GBP6: variants seen among roughly 807,000 people sequenced by gnomAD.
The protein encoded by GBP6 is guanylate binding protein family member 6, also known as guanylate-binding protein 6.
GBP6 carries 54 observed loss-of-function variants against 61.5 expected under a neutral mutation model. That is an observed-to-expected ratio of 0.88 (90% CI 0.71 to 1.10). The LOEUF (loss-of-function observed/expected upper bound fraction) is 1.10, where lower values mean the gene tolerates loss of function less well. GBP6 is among the 50% of genes least tolerant of loss of function. The pLI, the probability that GBP6 is intolerant of heterozygous loss-of-function variation, is 0.00. For missense variants in GBP6, 748 were observed against 752.8 expected (o/e 0.99, Z 0.07); for synonymous variants, 255 against 273.7 (o/e 0.93, Z 0.67).
chr1:89,385,963 T>G lies in GBP6; in HGVS notation c.*494T>G, dbSNP rs142072072. On this transcript the variant is annotated 3_prime_UTR_variant, in exon 11 of 11. Coordinates refer to ENST00000370456, the MANE Select transcript of GBP6 (RefSeq NM_198460.3). ...TTTTAGGAAATATAATTTTGAAAAA[T>G]CATTTACATACAAGAGGTCCACTGA... The G allele has an allele frequency of 3.7e-3, 559 of 152,772 alleles. 2 individuals are homozygous for G. Among genetic ancestry groups the G allele is most frequent in the Non-Finnish European group, 5.5e-3 (378 of 68,416 alleles). The allele number at this position is 152,772 out of a possible 1,614,324, so 9.5% of individuals were successfully genotyped here. A position where few individuals can be genotyped will look rare whatever the true frequency, so the allele number is the denominator to read the frequency against.
chr1:89,369,811 C>G lies in GBP6; in HGVS notation c.318+138C>G. On this transcript the variant is annotated intron_variant, in intron 3 of 10. Transcript: ENST00000370456. ...ACTTTGACCTGTTTGAATCACACTT[C>G]TAGACAAGGTTAGATATCATGGTAT... 5 of 997,526 alleles carry G rather than the reference C, an allele frequency of 5.0e-6. No individual in the cohort carries two copies. The South Asian group carries it at 9.6e-5, about 19-fold the overall frequency. The allele number at this position is 997,526 out of a possible 1,614,324, so 61.8% of individuals were successfully genotyped here.
intron 3 of GBP6, among the ~76,000 whole-genome samples, chr1:89,373,154 G>C (rs974316322): frequency 2.6e-5 from 4 of 152,200 alleles, no homozygotes; most frequent in Admixed American, 2.0e-4. Flanking sequence ...TCATTAAAAA[G>C]TCAGGAAGCA....
At chr1:89,374,523 G>A (rs1321593491) in intron 3 of GBP6, among the ~76,000 whole-genome samples, 2 of 151,996 alleles carry the variant, frequency 1.3e-5, no homozygotes, top group Non-Finnish European at 2.9e-5. Context: ...TTCCATAATA[G>A]CTGCATGAAT....
rs780941350 is a variant in GBP6, at chr1:89,386,452, T to G, written c.*983T>G. ...TGATAACAATAAAAAAATAGTGAAA[T>G]TGGCTATCAGATGATGAAATTCCTT... On this transcript the variant is annotated 3_prime_UTR_variant, in exon 11 of 11. Transcript: ENST00000370456. 1.1e-4 allele frequency: 17 copies of G among 152,246 alleles called. No individual in the cohort carries two copies. The highest frequency in any genetic ancestry group is 2.6e-4 in the Admixed American group (4 of 15,292). 9.4% of individuals were successfully genotyped at this position (152,246 alleles called of 1,614,324 possible).
Position 89,386,827 on chromosome 1 carries a change from C to T in GBP6, c.*1358C>T, listed in dbSNP as rs1007985033. ...ACAATGTGCCTTTCCAGAACTGAAC[C>T]CCCTGATGGGGGATGATAGACCCAG... is the stretch of plus-strand genomic sequence containing the variant. On this transcript the variant is annotated 3_prime_UTR_variant, in exon 11 of 11. Coordinates refer to ENST00000370456, the MANE Select transcript of GBP6 (RefSeq NM_198460.3). Among the ~76,000 whole-genome samples, 2 of 152,054 alleles carry T rather than the reference C, an allele frequency of 1.3e-5. No homozygotes were observed. Among genetic ancestry groups the T allele is most frequent in the African/African-American group, 4.8e-5 (2 of 41,396 alleles).
rs116439097 is a variant in GBP6, at chr1:89,375,881, T to C, written c.319-2222T>C. The stretch of plus-strand genomic sequence containing the variant: ...TATATTCTTCTGGTATTTTTACGGC[T>C]TCATATCTTTTTTTTCCCCTTCTAT... On this transcript the variant is annotated intron_variant, in intron 3 of 10. Transcript: ENST00000370456. Among the ~76,000 whole-genome samples the C allele has an allele frequency of 2.2e-3, 333 of 152,242 alleles. 2 individuals are homozygous for C. The highest frequency in any genetic ancestry group is 7.4e-3 in the African/African-American group (309 of 41,556).
Position 89,383,634 on chromosome 1 carries a change from T to C in GBP6, c.1366-18T>C, listed in dbSNP as rs370550745. On this transcript the variant is annotated intron_variant, in intron 8 of 10. Transcript: ENST00000370456. The stretch of plus-strand genomic sequence containing the variant: ...TAGATTTTCAAAGAAATCTAAGTGC[T>C]TTTTCTTCCTTCCATAGGCAAAAGA... 4.5e-5 allele frequency: 69 copies of C among 1,541,538 alleles called. No individual in the cohort carries two copies. The African/African-American group carries it at 9.0e-4, about 20-fold the overall frequency.
intron 3 of GBP6, among the ~76,000 whole-genome samples, chr1:89,373,649 A>C (rs995215887): frequency 7.9e-5 from 12 of 152,056 alleles, no homozygotes; most frequent in Non-Finnish European, 2.9e-5. Context: ...GGAACATCAC[A>C]CACCAGGGCC....
At chr1:89,379,401 T>C (rs1165662915) in intron 5 of GBP6, among the ~76,000 whole-genome samples, 1 of 151,984 alleles carries the variant, frequency 6.6e-6, no homozygotes, top group African/African-American at 2.4e-5. Context: ...ACATCCAAAA[T>C]ACATCAACAT....
rs185529662 is a variant in GBP6, at chr1:89,387,774, A to C, written c.*2305A>C. On this transcript the variant is annotated 3_prime_UTR_variant, in exon 11 of 11. Coordinates refer to ENST00000370456, the MANE Select transcript of GBP6 (RefSeq NM_198460.3). ...ATGGCGAAACCCTGCCTTTACTAAA[A>C]ATACAAAAATTAACCAAGTGTGGTG... Among the ~76,000 whole-genome samples, 379 of 152,326 alleles carry C rather than the reference A, an allele frequency of 2.5e-3. No individual in the cohort carries two copies. Among genetic ancestry groups the C allele is most frequent in the African/African-American group, 8.9e-3 (368 of 41,572 alleles).
intron 2 of GBP6, 140 bp from the exon 3 acceptor site, chr1:89,369,406 G>C: frequency 2.0e-6 from 2 of 1,008,716 alleles, no homozygotes; most frequent in Non-Finnish European, 1.4e-6. Context: ...TATTCACAAA[G>C]TAAGCCATTC....
chr1:89,375,582 C>A (rs1042516232), intron 3 of GBP6, among the ~76,000 whole-genome samples: 2 of 140,556 alleles, frequency 1.4e-5, no homozygotes, highest in Admixed American at 7.3e-5. Context: ...CACCTTTGCT[C>A]ATTTTTAATG....
chr1:89,367,557 A>G (rs1008247320), intron 1 of GBP6, among the ~76,000 whole-genome samples: 1 of 152,156 alleles, frequency 6.6e-6, no homozygotes, highest in Non-Finnish European at 1.5e-5. Context: ...TATGTGTTCT[A>G]TCAGAAACAT....
rs1020862340 is a variant in GBP6 at position 89,386,355 on chromosome 1, T to C, written c.*886T>C. 6.6e-6 allele frequency: 1 copy of C among 152,184 alleles called. No individual in the cohort carries two copies. Among genetic ancestry groups the C allele is most frequent in the African/African-American group, 2.4e-5 (1 of 41,444 alleles). The allele number at this position is 152,184 out of a possible 1,614,324, so 9.4% of individuals were successfully genotyped here. ...ACACATACTCTTCACTTTATACTCT[T>C]GAATTTTGTAAAGAAATCTTATTTT... On this transcript the variant is annotated 3_prime_UTR_variant, in exon 11 of 11. Transcript: ENST00000370456.
intron 3 of GBP6, among the ~76,000 whole-genome samples, chr1:89,373,500 T>C (rs1302006763): frequency 1.3e-5 from 2 of 152,032 alleles, no homozygotes; most frequent in Non-Finnish European, 2.9e-5. Context: ...AAATGATGAG[T>C]TCATGTCCTT....
intron 1 of GBP6, among the ~76,000 whole-genome samples, chr1:89,367,067 T>G (rs1223258427): frequency 6.6e-6 from 1 of 152,218 alleles, no homozygotes; most frequent in Non-Finnish European, 1.5e-5. Flanking sequence ...TTAGAGTCAT[T>G]TGAGCTGTTT....
rs1298305466 is a variant in GBP6, at chr1:89,387,085, G to A, written c.*1616G>A. Among the ~76,000 whole-genome samples the A allele has an allele frequency of 1.3e-5, 2 of 152,264 alleles. No homozygotes were observed. Among genetic ancestry groups the A allele is most frequent in the East Asian group, 3.9e-4 (2 of 5,184 alleles). On this transcript the variant is annotated 3_prime_UTR_variant, in exon 11 of 11. Coordinates refer to ENST00000370456, the MANE Select transcript of GBP6 (RefSeq NM_198460.3). ...AGTGTCACATCCATAGCCTTGATCT[G>A]AGCTAATTTCAGACCCTGAACTCAG...
intron 1 of GBP6, among the ~76,000 whole-genome samples, chr1:89,366,975 G>T (rs1367223857): frequency 1.3e-5 from 2 of 152,154 alleles, no homozygotes; most frequent in Non-Finnish European, 2.9e-5. Context: ...GTTGTAGCAT[G>T]TGTCATAATT....
chr1:89,380,510 G>C lies in GBP6; in HGVS notation c.750G>C (p.Glu250Asp). 1 of 1,614,136 alleles carries C rather than the reference G, an allele frequency of 6.2e-7. No homozygotes were observed. The highest frequency in any genetic ancestry group is 8.5e-7 in the Non-Finnish European group (1 of 1,180,018). Residue 250 changes from glutamate to aspartate, a missense_variant, in exon 6 of 11, where the codon GAG (glutamate) becomes GAC (aspartate). Transcript: ENST00000370456. ...TNDKDLLANIEKVSEKQLDPK... is the reference protein window; with the variant it reads ...TNDKDLLANIDKVSEKQLDPK... ...ACAAAGACCTTCTAGCCAATATTGA[G>C]AAGGTGTCAGAAAAGCAACTGGATC... is the stretch of plus-strand genomic sequence containing the variant.
Sources: gnomAD v4.1 joint callset for allele counts (sites outside exome capture counted in the v4.1 genomes callset) on GRCh38, gnomAD v4.1.1 for gene constraint, MANE v1.5 for transcripts, NCBI Gene and HGNC (gene_info 2026-07-23, HGNC 2026-07-21) for gene names.